Variants in IFT27 observed in about 807,000 individuals in gnomAD.
IFT27 encodes the protein intraflagellar transport protein 27 homolog.
Under a neutral mutation model 23.9 loss-of-function variants are expected in IFT27, and 19 were observed. The observed-to-expected ratio is 0.79, with a 90% CI of 0.55 to 1.16. The LOEUF is 1.16. Ranked by LOEUF, IFT27 falls within the 50% of genes most tolerant of loss-of-function variation. The pLI, the probability that IFT27 is intolerant of heterozygous loss-of-function variation, is 0.00. For synonymous variants in IFT27, 91 were observed against 89.1 expected (o/e 1.02, Z -0.12); for missense variants, 206 against 228.7 (o/e 0.90, Z 0.64).
At chr22:36,774,941 A>G (rs1464996096) in intron 1 of IFT27, among the ~76,000 whole-genome samples, 2 of 152,370 alleles carry the variant, frequency 1.3e-5, no homozygotes, top group Non-Finnish European at 2.9e-5. Flanking sequence ...TTCGCAGTCT[A>G]TAATCCAAAA....
rs9622479 is a variant in IFT27, at chr22:36,774,797, G to A, written c.34+877C>T. Among the ~76,000 whole-genome samples, 968 of 151,180 alleles carry A rather than the reference G, an allele frequency of 6.4e-3. 12 individuals are homozygous for A. The highest frequency in any genetic ancestry group is 0.022 in the African/African-American group (910 of 41,040). On this transcript the variant is annotated intron_variant, in intron 1 of 6. Coordinates refer to ENST00000433985, the MANE Select transcript of IFT27 (RefSeq NM_001177701.3). ...ACTGCCCTCCAGCCTGGGCAACAGC[G>A]TGAGACTCCGTCTCAAAAAAAAAAA...
Position 36,775,831 on chromosome 22 carries a change from A to T in IFT27, c.-124T>A, listed in dbSNP as rs765570338. 1 of 711,490 alleles carries T rather than the reference A, an allele frequency of 1.4e-6. No individual in the cohort carries two copies. The highest frequency in any genetic ancestry group is 2.3e-6 in the Non-Finnish European group (1 of 439,994). The allele number at this position is 711,490 out of a possible 1,614,324, so 44.1% of individuals were successfully genotyped here. On this transcript the variant is annotated 5_prime_UTR_variant, in exon 1 of 7. Coordinates refer to ENST00000433985, the MANE Select transcript of IFT27 (RefSeq NM_001177701.3). ...AGGTGGGGAGGGGAGGGCTGATCTCAAGGGTCAGTGGCCGCGACGGGACTG... is the reference window on the plus strand; with the variant it reads ...AGGTGGGGAGGGGAGGGCTGATCTCTAGGGTCAGTGGCCGCGACGGGACTG...
intron 1 of IFT27, among the ~76,000 whole-genome samples, chr22:36,770,422 G>A (rs1276871678): frequency 6.6e-6 from 1 of 152,074 alleles, no homozygotes; most frequent in Non-Finnish European, 1.5e-5. Flanking sequence ...GCGGCGCTCT[G>A]CTCCTAGTCC....
chr22:36,766,541 A>G (rs1938254356), intron 3 of IFT27: 2 of 314,710 alleles, frequency 6.4e-6, no homozygotes, highest in Admixed American at 8.5e-5. Flanking sequence ...CTGGTTTCCA[A>G]AAGGTCATTC....
At chr22:36,759,555 G>A (rs1054445249) in intron 6 of IFT27, 11 of 152,254 alleles carry the variant, frequency 7.2e-5, no homozygotes, top group South Asian at 2.1e-4. Context: ...TTGGGTGCAC[G>A]TGTGCATTCA....
At position 36,758,335 on chromosome 22, in the gene IFT27, C is replaced by T. The variant is rs1308160615; in HGVS notation, c.537G>A (p.Val179=). 3 of 1,614,074 alleles carry T rather than the reference C, an allele frequency of 1.9e-6. No individual in the cohort carries two copies. The highest frequency in any genetic ancestry group is 2.5e-6 in the Non-Finnish European group (3 of 1,180,030). Residue 179 remains valine (V), a synonymous_variant, in exon 7 of 7, where the codon GTG becomes GTA. Transcript: ENST00000433985. ...KQFHQLYREK[V]EVFRALA is the part of the protein sequence containing the mutation. ...GTCATGCCAGGGCCCGGAAAACCTCCACCTTCTCCCGGTACAGCTGGTGGA... is the reference window on the plus strand; with the variant it reads ...GTCATGCCAGGGCCCGGAAAACCTCTACCTTCTCCCGGTACAGCTGGTGGA...
At chr22:36,758,966 C>T in intron 6 of IFT27, 1 of 155,226 alleles carries the variant, frequency 6.4e-6, no homozygotes, top group Non-Finnish European at 1.4e-5. Context: ...AGCAGCACTT[C>T]CCTGAACCAG....
At chr22:36,762,762 C>T (rs185988635) in intron 6 of IFT27, 142 bp downstream of exon 6, 9 of 476,768 alleles carry the variant, frequency 1.9e-5, no homozygotes, top group Admixed American at 1.2e-4. Flanking sequence ...GAAGAGATCT[C>T]GGGTAAGAAT....
chr22:36,775,585 G>T, intron 1 of IFT27, 89 bp downstream of exon 1: 3 of 1,390,646 alleles, frequency 2.2e-6, no homozygotes, highest in Non-Finnish European at 3.1e-6. Context: ...GAAAAGGTAG[G>T]CAATTTAGGT....
intron 1 of IFT27, among the ~76,000 whole-genome samples, chr22:36,774,555 C>T (rs1369894922): frequency 2.6e-5 from 4 of 152,180 alleles, no homozygotes; most frequent in Non-Finnish European, 5.9e-5. Flanking sequence ...TGCCTGTAAT[C>T]CCAGCACTTT....
At chr22:36,767,406 A>G (rs1475594600) in intron 2 of IFT27, 41 bp from the exon 3 acceptor site, 1 of 1,571,358 alleles carries the variant, frequency 6.4e-7, no homozygotes, top group Admixed American at 1.7e-5. Flanking sequence ...GAGGGCCCCC[A>G]AAGGGAGAGC....
rs918136681 is a variant in IFT27 at position 36,775,760 on chromosome 22, G to C, written c.-53C>G. On this transcript the variant is annotated 5_prime_UTR_variant, in exon 1 of 7. Transcript: ENST00000433985. ...CCAGAGGACAAGAGCGGCTGCTAGAGACGCGAGTGGGTGGGCTTCGGGCCC... is the reference window on the plus strand; with the variant it reads ...CCAGAGGACAAGAGCGGCTGCTAGACACGCGAGTGGGTGGGCTTCGGGCCC... The C allele has an allele frequency of 3.9e-5, 62 of 1,597,748 alleles. No individual in the cohort carries two copies. Among genetic ancestry groups the C allele is most frequent in the Middle Eastern group, 1.7e-4 (1 of 6,024 alleles).
At chr22:36,774,669 G>A (rs1020919959) in intron 1 of IFT27, among the ~76,000 whole-genome samples, 3 of 152,154 alleles carry the variant, frequency 2.0e-5, no homozygotes, top group East Asian at 1.9e-4. Flanking sequence ...AAAATTAGCC[G>A]GGCATGGTGG....
At position 36,775,731 on chromosome 22, in the gene IFT27, G is replaced by T; in HGVS notation, c.-24C>A. 6.2e-7 allele frequency: 1 copy of T among 1,613,916 alleles called. No individual in the cohort carries two copies. The highest frequency in any genetic ancestry group is 8.5e-7 in the Non-Finnish European group (1 of 1,179,840). On this transcript the variant is annotated 5_prime_UTR_variant, in exon 1 of 7. Transcript: ENST00000433985. ...ATGGTAACCAACACTCCCGCGAGCCGTACCCAGAGGACAAGAGCGGCTGCT... is the reference window on the plus strand; with the variant it reads ...ATGGTAACCAACACTCCCGCGAGCCTTACCCAGAGGACAAGAGCGGCTGCT...
Position 36,764,107 on chromosome 22 carries a change from G to A in IFT27, c.235-71C>T. ...TGACTTCAAGGCTGGGAGACAATTT[G>A]GCCTTCCAAGGGAAAGGGTATGGGG... On this transcript the variant is annotated intron_variant, in intron 4 of 6. Coordinates refer to ENST00000433985, the MANE Select transcript of IFT27 (RefSeq NM_001177701.3). The A allele has an allele frequency of 2.8e-6, 3 of 1,087,630 alleles. No homozygotes were observed. In the Middle Eastern group the frequency reaches 5.9e-4, roughly 216 times the overall value. 67.4% of individuals were successfully genotyped at this position (1,087,630 alleles called of 1,614,324 possible).
At chr22:36,768,016 G>A (rs1938298733) in intron 1 of IFT27, 154 bp from the exon 2 acceptor site, 1 of 737,026 alleles carries the variant, frequency 1.4e-6, no homozygotes, top group Admixed American at 2.0e-5. Flanking sequence ...GCCGCGGGCA[G>A]GGCACAGGTC....
intron 6 of IFT27, chr22:36,759,552 C>G (rs1280662334): frequency 6.6e-6 from 1 of 152,136 alleles, no homozygotes; most frequent in Non-Finnish European, 1.5e-5. Context: ...CTGTTGGGTG[C>G]ACGTGTGCAT....
intron 4 of IFT27, among the ~76,000 whole-genome samples, 184 bp downstream of exon 4, chr22:36,765,954 C>T (rs1938238282): frequency 6.6e-6 from 1 of 152,240 alleles, no homozygotes; most frequent in African/African-American, 2.4e-5. Flanking sequence ...CAGTCACACG[C>T]ATCAGCCACT....
In IFT27 at chr22:36,767,385, A is replaced by G; in HGVS notation, c.115-20T>C. ...TGTTGTCTGCCGAGGAACACCAAGA[A>G]TGTTAGCACTGAGGGCCCCCAAAGG... is the stretch of plus-strand genomic sequence containing the variant. On this transcript the variant is annotated intron_variant, in intron 2 of 6. Coordinates refer to ENST00000433985, the MANE Select transcript of IFT27 (RefSeq NM_001177701.3). 2 of 1,607,278 alleles carry G rather than the reference A, an allele frequency of 1.2e-6. No individual in the cohort carries two copies. Among genetic ancestry groups the G allele is most frequent in the Non-Finnish European group, 8.5e-7 (1 of 1,175,930 alleles).
Sources: gnomAD v4.1 joint callset for allele counts (sites outside exome capture counted in the v4.1 genomes callset) on GRCh38, gnomAD v4.1.1 for gene constraint, MANE v1.5 for transcripts, NCBI Gene and HGNC (gene_info 2026-07-23, HGNC 2026-07-21) for gene names.